TTLL9: variants seen among roughly 807,000 people sequenced by gnomAD.
TTLL9 encodes the protein probable tubulin polyglutamylase TTLL9.
Under a neutral mutation model 65.6 loss-of-function variants are expected in TTLL9, and 47 were observed. That is an observed-to-expected ratio of 0.72 (90% CI 0.57 to 0.91). The LOEUF is 0.91. Among genes scored for constraint, TTLL9 ranks in the 40% least tolerant of loss-of-function variants. The pLI is 0.00. For missense variants in TTLL9, 537 were observed against 568.8 expected (o/e 0.94, Z 0.57); for synonymous variants, 179 against 204.8 (o/e 0.87, Z 1.07).
chr20:31,906,132 TG>T (rs1254374270), intron 4 of TTLL9, among the ~76,000 whole-genome samples: 1 of 151,850 alleles, frequency 6.6e-6, no homozygotes, highest in Non-Finnish European at 1.5e-5. Flanking sequence ...TTGCTATGGC[TG>T]TGTAACAAAT....
At chr20:31,896,541 G>T (rs1047238150) in intron 3 of TTLL9, among the ~76,000 whole-genome samples, 4 of 151,330 alleles carry the variant, frequency 2.6e-5, no homozygotes, top group African/African-American at 9.7e-5. Context: ...TGTTGTTTTG[G>T]TTTTTTTTGA....
At chr20:31,880,852 CTTTTTTT>C (rs35047352) in intron 2 of TTLL9, among the ~76,000 whole-genome samples, 4 of 108,258 alleles carry the variant, frequency 3.7e-5, no homozygotes, top group African/African-American at 1.5e-4. Flanking sequence ...TCTTTCTTTC[CTTTTTTT>C]TTTTTTTTTT....
intron 14 of TTLL9, chr20:31,939,711 A>G (rs1209635529): frequency 6.5e-6 from 1 of 153,848 alleles, no homozygotes; most frequent in African/African-American, 2.4e-5. Flanking sequence ...TTTTTGGTCC[A>G]GTCCGGATGA....
intron 4 of TTLL9, among the ~76,000 whole-genome samples, chr20:31,905,147 T>C (rs1374366694): frequency 6.6e-6 from 1 of 152,142 alleles, no homozygotes; most frequent in Non-Finnish European, 1.5e-5. Context: ...CTCGGCTCAC[T>C]ACAACCTCTG....
At chr20:31,933,708 C>A in intron 10 of TTLL9, 92 bp from the exon 11 acceptor site, 1 of 1,218,220 alleles carries the variant, frequency 8.2e-7, no homozygotes, top group Non-Finnish European at 1.2e-6. Flanking sequence ...TCGTAGCCTT[C>A]CCCATCAATT....
chr20:31,884,150 A>G (rs751113011), intron 2 of TTLL9: 2 of 436,416 alleles, frequency 4.6e-6, no homozygotes, highest in Non-Finnish European at 4.2e-6. Context: ...TCAGTTTCCA[A>G]TGTCTGCTTT....
intron 14 of TTLL9, among the ~76,000 whole-genome samples, chr20:31,942,383 A>G (rs891858155): frequency 3.9e-5 from 6 of 152,224 alleles, no homozygotes; most frequent in Non-Finnish European, 7.3e-5. Context: ...GGCCACATGT[A>G]CGGAAAACTC....
intron 7 of TTLL9, among the ~76,000 whole-genome samples, chr20:31,920,254 C>G (rs2063797423): frequency 6.6e-6 from 1 of 150,564 alleles, no homozygotes; most frequent in Non-Finnish European, 1.5e-5. Context: ...CACACACATT[C>G]TCACACACAC....
intron 2 of TTLL9, among the ~76,000 whole-genome samples, chr20:31,880,360 G>A (rs914040877): frequency 2.0e-5 from 3 of 152,090 alleles, no homozygotes. Context: ...GCCGGCCAAG[G>A]GACACAGGTG....
In TTLL9 at chr20:31,892,422, G is replaced by A. The variant is rs190517642; in HGVS notation, c.113+5183G>A. Among the ~76,000 whole-genome samples the A allele has an allele frequency of 1.2e-3, 185 of 152,202 alleles. 2 individuals carry two copies. The highest frequency in any genetic ancestry group is 1.6e-4 in the Non-Finnish European group (11 of 68,008). On this transcript the variant is annotated intron_variant, in intron 3 of 14. Transcript: ENST00000535842. ...TGACCTCAAGTGATCCACCTGCTTCGGCCTCCCAAAGCTCTGGGTTTACAG... is the reference window on the plus strand; with the variant it reads ...TGACCTCAAGTGATCCACCTGCTTCAGCCTCCCAAAGCTCTGGGTTTACAG...
intron 10 of TTLL9, among the ~76,000 whole-genome samples, chr20:31,930,347 C>A (rs1007745908): frequency 6.6e-6 from 1 of 152,134 alleles, no homozygotes; most frequent in Non-Finnish European, 1.5e-5. Context: ...ATGCAACTGA[C>A]TTGATGAGGG....
chr20:31,905,308 C>T (rs1283470689), intron 4 of TTLL9, among the ~76,000 whole-genome samples: 1 of 152,020 alleles, frequency 6.6e-6, no homozygotes, highest in African/African-American at 2.4e-5. Flanking sequence ...CTCCTGACCT[C>T]AGGTGATCCA....
intron 10 of TTLL9, among the ~76,000 whole-genome samples, chr20:31,928,542 T>C (rs964958267): frequency 6.6e-6 from 1 of 151,152 alleles, no homozygotes; most frequent in African/African-American, 2.4e-5. Flanking sequence ...AAATATATAT[T>C]TGCATATAGT....
Position 31,923,042 on chromosome 20 carries a change from A to G in TTLL9, c.653A>G (p.Tyr218Cys). The change falls in exon 8 of 15, where the codon TAC (tyrosine) becomes TGC (cysteine). Residue 218 changes from tyrosine to cysteine, a missense_variant. By Grantham distance (194) the Tyr-to-Cys change is radical (BLOSUM62 -2). Transcript: ENST00000535842. The stretch of plus-strand genomic sequence containing the variant: ...GCTCAGCGTTACATTGAAAATCCTT[A>G]CCTGATAGGAGGTGAGATGGCTGTG... ...YVAQRYIENPYLIGGRKFDLR... is the reference protein window; with the variant it reads ...YVAQRYIENPCLIGGRKFDLR... The G allele has an allele frequency of 1.2e-6, 2 of 1,612,914 alleles. No homozygotes were observed. Among genetic ancestry groups the G allele is most frequent in the Non-Finnish European group, 1.7e-6 (2 of 1,178,966 alleles).
intron 6 of TTLL9, among the ~76,000 whole-genome samples, chr20:31,912,844 A>T (rs933644420): frequency 6.6e-6 from 1 of 152,104 alleles, no homozygotes; most frequent in Admixed American, 6.6e-5. Flanking sequence ...TCCCCATGCT[A>T]TCAAGGGTGA....
At position 31,944,646 on chromosome 20, in the gene TTLL9, G is replaced by C. The variant is rs1181690988; in HGVS notation, c.*1625G>C. On this transcript the variant is annotated 3_prime_UTR_variant, in exon 15 of 15. Transcript: ENST00000535842. Reference sequence around the variant, plus strand: ...GCTAACACCTGTGACCCACACTCATGTTTTAAAAGTTTCTGCATTAGTCAA... The same window carrying C: ...GCTAACACCTGTGACCCACACTCATCTTTTAAAAGTTTCTGCATTAGTCAA... 1 of 152,198 alleles carries C rather than the reference G, an allele frequency of 6.6e-6. No individual in the cohort carries two copies. Among genetic ancestry groups the C allele is most frequent in the African/African-American group, 2.4e-5 (1 of 41,434 alleles). The allele number at this position is 152,198 out of a possible 1,614,324, so 9.4% of individuals were successfully genotyped here. A position where few individuals can be genotyped will look rare whatever the true frequency, so the allele number is the denominator to read the frequency against.
intron 3 of TTLL9, among the ~76,000 whole-genome samples, chr20:31,895,814 TA>T (rs1401402323): frequency 1.2e-4 from 2 of 16,060 alleles, no homozygotes; most frequent in Non-Finnish European, 2.5e-4. Flanking sequence ...GTTATTCATG[TA>T]TTTATTTATT....
At chr20:31,881,211 TCTG>T (rs748367810) in intron 2 of TTLL9, among the ~76,000 whole-genome samples, 9 of 152,216 alleles carry the variant, frequency 5.9e-5, no homozygotes, top group Non-Finnish European at 1.3e-4. Context: ...AATGAGTTTA[TCTG>T]CTTTCAGAGT....
At chr20:31,913,920 G>A (rs1305993975) in intron 6 of TTLL9, among the ~76,000 whole-genome samples, 3 of 152,346 alleles carry the variant, frequency 2.0e-5, no homozygotes, top group East Asian at 3.9e-4. Flanking sequence ...AGCCCGCCTC[G>A]TGGTGCGGGG....
Sources: allele counts gnomAD v4.1 joint callset (sites outside exome capture counted in the v4.1 genomes callset), GRCh38; gene constraint gnomAD v4.1.1; transcripts MANE v1.5; gene names NCBI Gene and HGNC (gene_info 2026-07-23, HGNC 2026-07-21).